CDC25A: variants seen among roughly 807,000 people sequenced by gnomAD.
CDC25A encodes cell division cycle 25A.
A neutral mutation model predicts 64.6 loss-of-function variants in CDC25A; 17 were observed. The observed-to-expected ratio is 0.26, with a 90% CI of 0.18 to 0.39. The LOEUF is 0.39. Among genes scored for constraint, CDC25A ranks in the 10% least tolerant of loss-of-function variants. The pLI is 1.00. For missense variants in CDC25A, 473 were observed against 654.8 expected (o/e 0.72, Z 3.03); for synonymous variants, 229 against 238.6 (o/e 0.96, Z 0.37).
intron 9 of CDC25A, among the ~76,000 whole-genome samples, chr3:48,173,780 C>T (rs1307687216): frequency 4.6e-5 from 7 of 152,096 alleles, no homozygotes; most frequent in South Asian, 2.1e-4. Context: ...TTACATAGAC[C>T]GGAGACTCAC....
chr3:48,170,486 A>C (rs2032226983), intron 9 of CDC25A, among the ~76,000 whole-genome samples: 1 of 152,258 alleles, frequency 6.6e-6, no homozygotes, highest in Non-Finnish European at 1.5e-5. Flanking sequence ...AGACATGCAT[A>C]GGGTGAGGTA....
At chr3:48,172,621 G>A (rs1374989454) in intron 9 of CDC25A, among the ~76,000 whole-genome samples, 1 of 152,224 alleles carries the variant, frequency 6.6e-6, no homozygotes, top group Non-Finnish European at 1.5e-5. Flanking sequence ...CTGGCACTTT[G>A]GGAGGCCAAG....
At chr3:48,182,242 T>G (rs1265613500) in intron 5 of CDC25A, among the ~76,000 whole-genome samples, 1 of 152,166 alleles carries the variant, frequency 6.6e-6, no homozygotes. Flanking sequence ...ACACTAAACC[T>G]GAAGATTGTA....
At chr3:48,169,939 G>A (rs566462613) in intron 9 of CDC25A, among the ~76,000 whole-genome samples, 1 of 152,092 alleles carries the variant, frequency 6.6e-6, no homozygotes, top group African/African-American at 2.4e-5. Flanking sequence ...AACCTGAGAG[G>A]CGGAGGTTGC....
At chr3:48,162,751 G>A (rs771178184) in intron 13 of CDC25A, among the ~76,000 whole-genome samples, 2 of 152,102 alleles carry the variant, frequency 1.3e-5, no homozygotes, top group African/African-American at 2.4e-5. Flanking sequence ...GGGAGGCTGA[G>A]GCAGGAGAAT....
Position 48,158,774 on chromosome 3 carries a change from T to C in CDC25A, c.*171A>G, listed in dbSNP as rs2031628239. The C allele has an allele frequency of 1.4e-6, 1 of 732,534 alleles. No individual in the cohort carries two copies. Among genetic ancestry groups the C allele is most frequent in the African/African-American group, 1.8e-5 (1 of 57,124 alleles). The allele number at this position is 732,534 out of a possible 1,614,324, so 45.4% of individuals were successfully genotyped here. A position where few individuals can be genotyped will look rare whatever the true frequency, so the allele number is the denominator to read the frequency against. ...GACAGAAGAGGCGTAGCCAGCAAGA[T>C]GCCCTGGGCTCCAACCTTGGGAGTG... On this transcript the variant is annotated 3_prime_UTR_variant, in exon 15 of 15. Transcript: ENST00000302506.
intron 9 of CDC25A, among the ~76,000 whole-genome samples, chr3:48,172,639 G>A (rs1407292402): frequency 6.6e-6 from 1 of 152,240 alleles, no homozygotes; most frequent in Non-Finnish European, 1.5e-5. Context: ...AAGGCGGGAG[G>A]ATTGCCCTGA....
chr3:48,183,771 A>T (rs1426591536), intron 4 of CDC25A, 29 bp downstream of exon 4: 2 of 1,454,110 alleles, frequency 1.4e-6, no homozygotes, highest in South Asian at 1.1e-5. Context: ...AACAGGTATT[A>T]GCTCAAAATA....
At position 48,176,468 on chromosome 3, in the gene CDC25A, GCTTT is replaced by G. The variant is rs200561561; in HGVS notation, c.756+899_756+902del. Reference sequence around the variant, plus strand: ...TAGATTCTGTATCTACATATACTATGCTTTCTGTTTGAAAGTATCCCTGATGGAA... The same window carrying G: ...TAGATTCTGTATCTACATATACTATGCTGTTTGAAAGTATCCCTGATGGAA... On this transcript the variant is annotated intron_variant, in intron 8 of 14. Transcript: ENST00000302506. 5.7e-4 allele frequency among the ~76,000 whole-genome samples: 84 copies of G among 147,346 alleles called. 1 individual carries two copies. The East Asian group carries it at 0.015, about 27-fold the overall frequency.
intron 10 of CDC25A, among the ~76,000 whole-genome samples, chr3:48,167,336 T>C (rs1205417564): frequency 6.6e-6 from 1 of 152,242 alleles, no homozygotes; most frequent in Non-Finnish European, 1.5e-5. Context: ...GTCCTAGCCT[T>C]GTATTTTACT....
intron 6 of CDC25A, chr3:48,180,411 G>T (rs990865771): frequency 4.4e-5 from 9 of 202,458 alleles, no homozygotes; most frequent in East Asian, 1.1e-4. Flanking sequence ...AAGAAAAAAA[G>T]AAAAAAATAG....
intron 2 of CDC25A, among the ~76,000 whole-genome samples, chr3:48,185,377 C>T (rs1206257658): frequency 6.9e-6 from 1 of 145,620 alleles, no homozygotes; most frequent in Non-Finnish European, 1.5e-5. Context: ...GATTGTGCCA[C>T]TGTACACCAG....
At chr3:48,165,181 C>T (rs2031955487) in intron 12 of CDC25A, among the ~76,000 whole-genome samples, 1 of 151,564 alleles carries the variant, frequency 6.6e-6, no homozygotes, top group Admixed American at 6.6e-5. Context: ...TCCCAACACG[C>T]CCCTCCACCA....
chr3:48,174,465 G>GAA lies in CDC25A; in HGVS notation c.757-10_757-9dup. On this transcript the variant is annotated splice_polypyrimidine_tract_variant and intron_variant, in intron 8 of 14. Transcript: ENST00000302506. ...CAGCTTGCATCGGTTGTCCTTACAG[G>GAA]AAAAAAAACAGACAGACCCATCTTT... 6.3e-7 allele frequency: 1 copy of GAA among 1,591,636 alleles called. No individual in the cohort carries two copies.
chr3:48,182,645 C>T (rs963486547), intron 5 of CDC25A, among the ~76,000 whole-genome samples: 3 of 152,216 alleles, frequency 2.0e-5, no homozygotes, highest in African/African-American at 7.2e-5. Flanking sequence ...TCCCGCCTGT[C>T]AGGCACCATT....
intron 9 of CDC25A, among the ~76,000 whole-genome samples, chr3:48,172,968 C>T (rs1338538084): frequency 6.6e-6 from 1 of 152,130 alleles, no homozygotes; most frequent in East Asian, 1.9e-4. Flanking sequence ...GCCTGTAATT[C>T]CAGCACTTTA....
At chr3:48,186,084 G>T (rs1272143890) in intron 2 of CDC25A, among the ~76,000 whole-genome samples, 2 of 152,202 alleles carry the variant, frequency 1.3e-5, no homozygotes, top group Admixed American at 1.3e-4. Flanking sequence ...ATGATTTCAT[G>T]ACACTGTACT....
intron 13 of CDC25A, among the ~76,000 whole-genome samples, chr3:48,160,363 C>T (rs1234197665): frequency 1.3e-5 from 2 of 150,020 alleles, no homozygotes; most frequent in African/African-American, 4.9e-5. Context: ...CCTGCCTTGG[C>T]CTCCCAAAGT....
chr3:48,172,198 A>T (rs955765608), intron 9 of CDC25A, among the ~76,000 whole-genome samples: 1 of 152,086 alleles, frequency 6.6e-6, no homozygotes, highest in African/African-American at 2.4e-5. Flanking sequence ...CCAAAACCAA[A>T]CAACTCTCCC....
Sources: gnomAD v4.1 joint callset for allele counts (sites outside exome capture counted in the v4.1 genomes callset) on GRCh38, gnomAD v4.1.1 for gene constraint, MANE v1.5 for transcripts, NCBI Gene and HGNC (gene_info 2026-07-23, HGNC 2026-07-21) for gene names.